Variants in ANK2 observed in about 807,000 individuals in gnomAD.
The protein encoded by ANK2 is ankyrin 2, also known as ankyrin-2.
A neutral mutation model predicts 360.5 loss-of-function variants in ANK2; 83 were observed. That is an observed-to-expected ratio of 0.23 (90% CI 0.19 to 0.28). The LOEUF (loss-of-function observed/expected upper bound fraction) is 0.28, where lower values mean the gene tolerates loss of function less well. ANK2 is among the 10% of genes least tolerant of loss of function. The pLI is 1.00. For missense variants in ANK2, 4,201 were observed against 4,795.7 expected (o/e 0.88, Z 3.66); for synonymous variants, 1,740 against 1,759.5 (o/e 0.99, Z 0.28).
At chr4:113,042,819 A>G (rs1321011702) in intron 2 of ANK2, among the ~76,000 whole-genome samples, 3 of 152,126 alleles carry the variant, frequency 2.0e-5, no homozygotes, top group Non-Finnish European at 4.4e-5. Flanking sequence ...GATAATTTCT[A>G]TTTACAGCTC....
At chr4:113,163,358 C>A (rs553259505) in intron 1 of ANK2, among the ~76,000 whole-genome samples, 1 of 152,130 alleles carries the variant, frequency 6.6e-6, no homozygotes, top group Non-Finnish European at 1.5e-5. Flanking sequence ...CATTTGCGAC[C>A]CACATACTTT....
In ANK2 at chr4:113,212,593, G is replaced by A. The variant is rs569020298; in HGVS notation, c.384+13484G>A. Reference sequence around the variant, plus strand: ...TCTGAAGCTAGGTGGTCAAATCCCAGAGGTCAAATTTCAGCTCTTCTGCTT... The same window carrying A: ...TCTGAAGCTAGGTGGTCAAATCCCAAAGGTCAAATTTCAGCTCTTCTGCTT... On this transcript the variant is annotated intron_variant, in intron 4 of 45. Transcript: ENST00000357077. 1.4e-4 allele frequency among the ~76,000 whole-genome samples: 21 copies of A among 152,302 alleles called. No individual in the cohort carries two copies. In the South Asian group the frequency reaches 4.4e-3, roughly 32 times the overall value.
intron 2 of ANK2, among the ~76,000 whole-genome samples, chr4:113,191,689 C>A (rs1409744898): frequency 6.6e-6 from 1 of 152,014 alleles, no homozygotes; most frequent in Non-Finnish European, 1.5e-5. Flanking sequence ...AATAATAATA[C>A]CTTACATTTG....
the ANK2 span, among the ~76,000 whole-genome samples, chr4:112,773,138 C>T: frequency 6.6e-6 from 1 of 151,998 alleles, no homozygotes; most frequent in Non-Finnish European, 1.5e-5. Context: ...GGCAACATGG[C>T]AAAACCCCAT....
rs114182859 is a variant in ANK2 at position 113,303,002 on chromosome 4, C to T, written c.2548+163C>T. ...AATACATTTACTTTTGCCATGGCAG[C>T]GGGGGCCGGGGGCAGTTCTGATTAG... On this transcript the variant is annotated intron_variant, in intron 23 of 45. Coordinates refer to ENST00000357077, the MANE Select transcript of ANK2 (RefSeq NM_001148.6). 9.9e-3 allele frequency among the ~76,000 whole-genome samples: 1,509 copies of T among 152,090 alleles called. 24 individuals are homozygous for T. The highest frequency in any genetic ancestry group is 0.033 in the African/African-American group (1,386 of 41,484).
the ANK2 span, among the ~76,000 whole-genome samples, chr4:112,710,926 T>C: frequency 1.5e-5 from 2 of 136,442 alleles, no homozygotes; most frequent in East Asian, 4.0e-4. Flanking sequence ...TATATATATG[T>C]ATATATGATT....
At chr4:112,948,334 A>G (rs538030231) in intron 2 of ANK2, among the ~76,000 whole-genome samples, 3 of 152,332 alleles carry the variant, frequency 2.0e-5, no homozygotes, top group South Asian at 2.1e-4. Context: ...TGCTTTCTAC[A>G]TATCATTCAT....
chr4:113,179,511 G>C (rs1191146146), intron 2 of ANK2, among the ~76,000 whole-genome samples: 1 of 151,886 alleles, frequency 6.6e-6, no homozygotes, highest in Non-Finnish European at 1.5e-5. Flanking sequence ...TCATAAATTT[G>C]GCACATGAAA....
chr4:112,741,918 A>T, the ANK2 span, among the ~76,000 whole-genome samples: 1 of 152,210 alleles, frequency 6.6e-6, no homozygotes, highest in African/African-American at 2.4e-5. Context: ...AAACAATTAT[A>T]ATATAGTACT....
intron 1 of ANK2, among the ~76,000 whole-genome samples, chr4:112,842,868 G>A (rs2062437150): frequency 6.6e-6 from 1 of 152,228 alleles, no homozygotes; most frequent in African/African-American, 2.4e-5. Context: ...GAGATCAGAA[G>A]TCCCAAATGG....
At chr4:112,964,726 C>T (rs538285732) in intron 2 of ANK2, among the ~76,000 whole-genome samples, 10 of 152,104 alleles carry the variant, frequency 6.6e-5, no homozygotes, top group South Asian at 2.1e-4. Context: ...CCCGCCACCA[C>T]GCCTGGCTAA....
At chr4:112,757,900 A>T in the ANK2 span, among the ~76,000 whole-genome samples, 1 of 69,876 alleles carries the variant, frequency 1.4e-5, no homozygotes, top group Admixed American at 1.6e-4. Context: ...TTTTTTTTTG[A>T]GACGGAGTCT....
chr4:113,283,923 T>C (rs1240385914), intron 18 of ANK2, among the ~76,000 whole-genome samples: 4 of 152,256 alleles, frequency 2.6e-5, no homozygotes, highest in Non-Finnish European at 5.9e-5. Flanking sequence ...AAATAGGTTA[T>C]GTAGCATGCA....
chr4:112,993,306 C>T (rs2047438922), intron 2 of ANK2, among the ~76,000 whole-genome samples: 1 of 151,886 alleles, frequency 6.6e-6, no homozygotes, highest in African/African-American at 2.4e-5. Flanking sequence ...TAGTGTATAC[C>T]TTCCTTTCTT....
At chr4:113,244,025 G>T (rs567224249) in intron 9 of ANK2, among the ~76,000 whole-genome samples, 2 of 152,098 alleles carry the variant, frequency 1.3e-5, no homozygotes, top group African/African-American at 4.8e-5. Flanking sequence ...ATATATTTGG[G>T]TATACAATTA....
chr4:113,168,579 G>C (rs2097838003), intron 1 of ANK2, among the ~76,000 whole-genome samples: 1 of 152,190 alleles, frequency 6.6e-6, no homozygotes, highest in Non-Finnish European at 1.5e-5. Context: ...TAACCTGCAT[G>C]TTTGAGCCAG....
chr4:113,237,604 G>A lies in ANK2; in HGVS notation c.675G>A (p.Met225Ile). The A allele has an allele frequency of 6.2e-7, 1 of 1,609,484 alleles. No homozygotes were observed. The highest frequency in any genetic ancestry group is 1.1e-5 in the South Asian group (1 of 90,976). Reference protein sequence around the residue: ...DHNADVQSKMMVNRTTESGFT... With the variant: ...DHNADVQSKMIVNRTTESGFT... ...TCCAAACAACACTGCTTCAGATGAT[G>A]GTGAATAGGACAACTGAGGTACAGT... is the stretch of plus-strand genomic sequence containing the variant. The change falls in exon 7 of 46, where the codon ATG becomes ATA. Residue 225 changes from methionine (M) to isoleucine (I), a missense_variant. Around this residue, in one of 4 missense-constraint regions of ANK2, gnomAD observed 122 missense variants for 239.3 expected, o/e 0.51. Transcript: ENST00000357077.
upstream of ANK2, among the ~76,000 whole-genome samples, chr4:113,049,127 CA>C (rs1266494357): frequency 6.6e-6 from 1 of 152,146 alleles, no homozygotes; most frequent in African/African-American, 2.4e-5. Context: ...AAGCTGTTCT[CA>C]AGGCTTTATG....
At chr4:112,987,646 G>GA (rs142689004) in intron 2 of ANK2, among the ~76,000 whole-genome samples, 10,294 of 151,798 alleles carry the variant, frequency 0.068, 451 homozygotes, top group African/African-American at 0.13. Flanking sequence ...AGCAGTGTTG[G>GA]AAAAAAATGT....
Sources: gnomAD v4.1 joint callset for allele counts (sites outside exome capture counted in the v4.1 genomes callset) on GRCh38, gnomAD v4.1.1 for gene constraint, gnomAD v4.1.1 regional missense constraint, MANE v1.5 for transcripts, NCBI Gene and HGNC (gene_info 2026-07-23, HGNC 2026-07-21) for gene names.